Variants in PPEF1 observed in about 807,000 individuals in gnomAD.
The protein encoded by PPEF1 is protein phosphatase with EF-hand domain 1, also known as serine/threonine-protein phosphatase with EF-hands 1.
A neutral mutation model predicts 53.3 loss-of-function variants in PPEF1; 12 were observed. The observed-to-expected ratio is 0.23, with a 90% CI of 0.14 to 0.36. The LOEUF is 0.36. Ranked by LOEUF, PPEF1 falls within the 10% of genes least tolerant of loss-of-function variation. The pLI is 1.00. For synonymous variants in PPEF1, 165 were observed against 176.7 expected (o/e 0.93, Z 0.52); for missense variants, 334 against 490.4 (o/e 0.68, Z 3.01).
At chrX:18,683,965 T>C (rs1201477929) in intron 1 of PPEF1, among the ~76,000 whole-genome samples, 3 of 112,266 alleles carry the variant, frequency 2.7e-5, no homozygotes, top group Non-Finnish European at 3.8e-5. Flanking sequence ...TGCTACTGTT[T>C]AGTAGAAGTT....
In PPEF1 at chrX:18,735,718, C is replaced by T. The variant is rs893354950; in HGVS notation, c.235+1910C>T. On this transcript the variant is annotated intron_variant, in intron 3 of 15. Coordinates refer to ENST00000470157, the MANE Select transcript of PPEF1 (RefSeq NM_001377996.1). ...CATTGAATCTATAAATTACCTTGGGCAGTATGGCCACTTTCACGATATTGA... is the reference window on the plus strand; with the variant it reads ...CATTGAATCTATAAATTACCTTGGGTAGTATGGCCACTTTCACGATATTGA... Among the ~76,000 whole-genome samples, 3 of 111,963 alleles carry T rather than the reference C, an allele frequency of 2.7e-5. No individual in the cohort carries two copies. The Admixed American group carries it at 2.9e-4, about 11-fold the overall frequency.
At chrX:18,781,197 T>C (rs746880030) in intron 7 of PPEF1, among the ~76,000 whole-genome samples, 36 of 110,821 alleles carry the variant, frequency 3.2e-4, no homozygotes, top group Non-Finnish European at 5.9e-4. Flanking sequence ...GAATGATGAA[T>C]TCAGTTTTGG....
intron 12 of PPEF1, among the ~76,000 whole-genome samples, chrX:18,811,764 C>T (rs2046816529): frequency 9.2e-6 from 1 of 108,764 alleles, no homozygotes; most frequent in Admixed American, 1.0e-4. Context: ...CAAGCCAGCA[C>T]ACTTGGCTAA....
chrX:18,717,668 ACTC>A (rs1261411573), intron 1 of PPEF1, among the ~76,000 whole-genome samples: 1 of 110,507 alleles, frequency 9.0e-6, no homozygotes, highest in Non-Finnish European at 1.9e-5. Flanking sequence ...CCTTCTTACT[ACTC>A]ATTGCCCTTG....
intron 6 of PPEF1, among the ~76,000 whole-genome samples, chrX:18,767,376 C>T (rs2045797171): frequency 9.0e-6 from 1 of 111,472 alleles, no homozygotes; most frequent in Non-Finnish European, 1.9e-5. Context: ...GAAACCCTGT[C>T]CCTACTAAAA....
rs1388131032 is a variant in PPEF1 at position 18,818,097 on chromosome X, A to C, written c.1453A>C (p.Lys485Gln). Residue 485 changes from lysine (K) to glutamine (Q), a missense_variant, in exon 13 of 16, where the codon AAA becomes CAA. Lys to Gln is a moderately conservative substitution (Grantham distance 53). Transcript: ENST00000470157. ...KILRERVISR[K>Q]SDLTRAFQLQ... ...ATTAAGAGAGAGAGTGATTTCACGA[A>C]AAAGTGACCTTACTCGTGCTTTCCA... The C allele has an allele frequency of 8.3e-7, 1 of 1,207,693 alleles. No individual in the cohort carries two copies. Among genetic ancestry groups the C allele is most frequent in the Admixed American group, 2.2e-5 (1 of 45,614 alleles).
At chrX:18,730,136 A>G in intron 1 of PPEF1, 45 bp from the exon 2 acceptor site, 2 of 1,174,264 alleles carry the variant, frequency 1.7e-6, no homozygotes, top group South Asian at 2.0e-5. Flanking sequence ...TAACAGGTGC[A>G]TAGTAACTGT....
intron 7 of PPEF1, among the ~76,000 whole-genome samples, chrX:18,780,783 G>A (rs2046066939): frequency 9.0e-6 from 1 of 110,511 alleles, no homozygotes; most frequent in African/African-American, 3.3e-5. Flanking sequence ...GGCCGGGCAT[G>A]GTAGCTCGCG....
intron 6 of PPEF1, among the ~76,000 whole-genome samples, chrX:18,766,878 A>C (rs1418531589): frequency 3.2e-5 from 3 of 94,397 alleles, no homozygotes; most frequent in Admixed American, 1.1e-4. Flanking sequence ...GTGGAACCCC[A>C]TTCTCTACTA....
chrX:18,701,234 T>G (rs1363023728), intron 6 of PPEF1, among the ~76,000 whole-genome samples: 1 of 112,341 alleles, frequency 8.9e-6, no homozygotes, highest in Non-Finnish European at 1.9e-5. Flanking sequence ...CTTTCCGATC[T>G]TAGACCTCTC....
intron 6 of PPEF1, among the ~76,000 whole-genome samples, chrX:18,774,660 T>C (rs1569261569): frequency 8.9e-6 from 1 of 112,511 alleles, no homozygotes; most frequent in East Asian, 2.8e-4. Context: ...ATAGTTGATC[T>C]CTTTACACAT....
intron 6 of PPEF1, among the ~76,000 whole-genome samples, chrX:18,776,927 A>T (rs1182677126): frequency 8.9e-6 from 1 of 112,578 alleles, no homozygotes; most frequent in East Asian, 2.8e-4. Flanking sequence ...TCTCAAAAAA[A>T]GAAAAAGAAA....
At chrX:18,738,461 C>G (rs1381806572) in intron 3 of PPEF1, among the ~76,000 whole-genome samples, 1 of 112,146 alleles carries the variant, frequency 8.9e-6, no homozygotes, top group Non-Finnish European at 1.9e-5. Flanking sequence ...CTCCCACCCT[C>G]TTCTGGCTTG....
chrX:18,749,937 C>A lies in PPEF1; in HGVS notation c.381C>A (p.Ala127=). Residue 127 remains alanine, a synonymous_variant, in exon 4 of 16, where the codon GCC becomes GCA. Transcript: ENST00000470157. ...TCTDIDLLLE[A]FKEQQILHAH... The stretch of plus-strand genomic sequence containing the variant: ...CGGATATTGATTTACTTCTTGAGGC[C>A]TTCAAGGAACAACAGGTAAGTGGAA... 8.3e-7 allele frequency: 1 copy of A among 1,204,130 alleles called. No individual in the cohort carries two copies. Among genetic ancestry groups the A allele is most frequent in the Non-Finnish European group, 1.1e-6 (1 of 889,173 alleles).
At chrX:18,772,105 C>T (rs1008819543) in intron 6 of PPEF1, among the ~76,000 whole-genome samples, 7 of 111,749 alleles carry the variant, frequency 6.3e-5, no homozygotes, top group Admixed American at 1.9e-4. Flanking sequence ...GCCGAGATTG[C>T]ATCACTGCAC....
At chrX:18,804,390 T>G (rs1256058549) in intron 11 of PPEF1, among the ~76,000 whole-genome samples, 2 of 109,049 alleles carry the variant, frequency 1.8e-5, no homozygotes, top group Non-Finnish European at 3.8e-5. Flanking sequence ...CACTGCAACC[T>G]CCGCCTCCCG....
chrX:18,732,377 G>A (rs2044858604), intron 2 of PPEF1, among the ~76,000 whole-genome samples: 1 of 112,171 alleles, frequency 8.9e-6, no homozygotes. Context: ...GTATAGACCT[G>A]TGAGTGGAAT....
intron 6 of PPEF1, among the ~76,000 whole-genome samples, chrX:18,768,595 A>T (rs760852725): frequency 8.9e-6 from 1 of 112,828 alleles, no homozygotes; most frequent in East Asian, 2.8e-4. Context: ...GCATTCATTC[A>T]GTAAACTTTT....
chrX:18,804,311 CTT>C (rs71905402), intron 11 of PPEF1, among the ~76,000 whole-genome samples: 29 of 98,682 alleles, frequency 2.9e-4, no homozygotes, highest in Admixed American at 3.4e-4. Flanking sequence ...AACAGAAATT[CTT>C]TTTTTTTTTT....
Sources: gnomAD v4.1 joint callset for allele counts (sites outside exome capture counted in the v4.1 genomes callset) on GRCh38, gnomAD v4.1.1 for gene constraint, MANE v1.5 for transcripts, NCBI Gene and HGNC (gene_info 2026-07-23, HGNC 2026-07-21) for gene names.